Variants in UMPS observed in about 807,000 individuals in gnomAD.
UMPS encodes the protein uridine monophosphate synthetase.
A neutral mutation model predicts 38.9 loss-of-function variants in UMPS; 21 were observed. The ratio of observed to expected loss-of-function variants is 0.54; its 90% CI spans 0.38 to 0.78. UMPS has a LOEUF of 0.78. Ranked by LOEUF, UMPS falls within the 30% of genes least tolerant of loss-of-function variation. The pLI is 0.00. For missense variants in UMPS, 533 were observed against 591.6 expected (o/e 0.90, Z 1.03); for synonymous variants, 208 against 219.3 (o/e 0.95, Z 0.45).
At chr3:124,742,106 G>A in intron 4 of UMPS, 46 bp from the exon 5 acceptor site, 2 of 1,309,864 alleles carry the variant, frequency 1.5e-6, no homozygotes, top group Non-Finnish European at 2.2e-6. Context: ...TTTATTCTGT[G>A]TGATTAACTG....
Position 124,744,556 on chromosome 3 carries a change from G to A in UMPS, c.*472G>A, listed in dbSNP as rs755095989. ...CCAGATTAGCTGGTGCTATAGGCAT[G>A]CACCACCACGTCCATCTAAATTTCT... On this transcript the variant is annotated 3_prime_UTR_variant, in exon 6 of 6. Coordinates refer to ENST00000232607, the MANE Select transcript of UMPS (RefSeq NM_000373.4). The A allele has an allele frequency of 2.2e-6, 1 of 453,996 alleles. No individual in the cohort carries two copies. Among genetic ancestry groups the A allele is most frequent in the South Asian group, 1.6e-5 (1 of 64,468 alleles). The allele number at this position is 453,996 out of a possible 1,614,324, so 28.1% of individuals were successfully genotyped here.
At chr3:124,743,293 CA>C (rs1160299664) in intron 5 of UMPS, among the ~76,000 whole-genome samples, 1 of 151,696 alleles carries the variant, frequency 6.6e-6, no homozygotes. Flanking sequence ...GAGATTGTGC[CA>C]TTGCACTCCA....
Position 124,747,806 on chromosome 3 carries a change from C to T in UMPS, c.*3722C>T, listed in dbSNP as rs1390566539. On this transcript the variant is annotated 3_prime_UTR_variant, in exon 6 of 6. Transcript: ENST00000232607. ...CAACCATCACCTCTGGCTGCATCAG[C>T]GATCTCTCCCAGCGAAATAGCTGCT... 8.9e-6 allele frequency: 4 copies of T among 450,332 alleles called. No homozygotes were observed. The highest frequency in any genetic ancestry group is 2.0e-5 in the African/African-American group (1 of 50,058). The allele number at this position is 450,332 out of a possible 1,614,324, so 27.9% of individuals were successfully genotyped here.
chr3:124,735,098 A>G lies in UMPS; in HGVS notation c.162A>G (p.Ala54=). The stretch of plus-strand genomic sequence containing the variant: ...ATGTGTTCATTTTCTTACAGGTTGC[A>G]GATATTTTATTCCAAACTGCCCAAA... ...VSRPRLLSQV[A]DILFQTAQNA... Residue 54 remains alanine (A), a synonymous_variant, in exon 2 of 6, where the codon GCA becomes GCG. Transcript: ENST00000232607. The G allele has an allele frequency of 6.2e-7, 1 of 1,613,614 alleles. No homozygotes were observed.
In UMPS at chr3:124,746,444, C is replaced by T. The variant is rs2150904251; in HGVS notation, c.*2360C>T. 1 of 454,154 alleles carries T rather than the reference C, an allele frequency of 2.2e-6. No homozygotes were observed. Among genetic ancestry groups the T allele is most frequent in the African/African-American group, 2.0e-5 (1 of 50,146 alleles). 28.1% of individuals were successfully genotyped at this position (454,154 alleles called of 1,614,324 possible). A position where few individuals can be genotyped will look rare whatever the true frequency, so the allele number is the denominator to read the frequency against. Reference sequence around the variant, plus strand: ...CAGTACTGCAGGCCTCTTACCTAAGCAGAATCCCAGTCTGGCATCAAAGCT... The same window carrying T: ...CAGTACTGCAGGCCTCTTACCTAAGTAGAATCCCAGTCTGGCATCAAAGCT... On this transcript the variant is annotated 3_prime_UTR_variant, in exon 6 of 6. Coordinates refer to ENST00000232607, the MANE Select transcript of UMPS (RefSeq NM_000373.4).
rs1234475166 is a variant in UMPS at position 124,745,264 on chromosome 3, C to T, written c.*1180C>T. ...TTGCACCAGCACACTCACATTCCTT[C>T]TCATTTGGGGCCCACCTGCAGGAAG... is the stretch of plus-strand genomic sequence containing the variant. On this transcript the variant is annotated 3_prime_UTR_variant, in exon 6 of 6. Transcript: ENST00000232607. 30 of 454,126 alleles carry T rather than the reference C, an allele frequency of 6.6e-5. No homozygotes were observed. In the East Asian group the frequency reaches 2.1e-3, roughly 32 times the overall value. 28.1% of individuals were successfully genotyped at this position (454,126 alleles called of 1,614,324 possible). A position where few individuals can be genotyped will look rare whatever the true frequency, so the allele number is the denominator to read the frequency against.
In UMPS at chr3:124,746,637, T is replaced by C. The variant is rs752738492; in HGVS notation, c.*2553T>C. 40 of 453,894 alleles carry C rather than the reference T, an allele frequency of 8.8e-5. No homozygotes were observed. Among genetic ancestry groups the C allele is most frequent in the Non-Finnish European group, 1.1e-4 (26 of 226,774 alleles). 28.1% of individuals were successfully genotyped at this position (453,894 alleles called of 1,614,324 possible). On this transcript the variant is annotated 3_prime_UTR_variant, in exon 6 of 6. Coordinates refer to ENST00000232607, the MANE Select transcript of UMPS (RefSeq NM_000373.4). ...TAACTCCTGGTCTTAGTGGGGAATA[T>C]AGGGACCCCATGTCTCCATGGGGTG...
chr3:124,738,083 A>C lies in UMPS; in HGVS notation c.826A>C (p.Ser276Arg), dbSNP rs2063530135. ...LLQLADALGP[S>R]ICMLKTHVDI... Reference sequence around the variant, plus strand: ...GCAGCTAGCAGATGCTTTAGGACCTAGTATCTGCATGCTGAAGACTCATGT... The same window carrying C: ...GCAGCTAGCAGATGCTTTAGGACCTCGTATCTGCATGCTGAAGACTCATGT... Residue 276 changes from serine (S) to arginine (R), a missense_variant, in exon 3 of 6, where the codon AGT becomes CGT. Transcript: ENST00000232607. 6.2e-7 allele frequency: 1 copy of C among 1,614,120 alleles called. No homozygotes were observed. The highest frequency in any genetic ancestry group is 1.7e-5 in the Admixed American group (1 of 60,000).
intron 2 of UMPS, among the ~76,000 whole-genome samples, chr3:124,735,689 A>G (rs2063512946): frequency 6.6e-6 from 1 of 152,216 alleles, no homozygotes; most frequent in Non-Finnish European, 1.5e-5. Context: ...TAAAACCCGA[A>G]AATTTGTCCA....
intron 2 of UMPS, chr3:124,737,085 G>C (rs2063523051): frequency 6.4e-6 from 1 of 155,672 alleles, no homozygotes; most frequent in South Asian, 2.0e-4. Context: ...AACTTTCCTT[G>C]ATCTAGGTGA....
In UMPS at chr3:124,747,167, G is replaced by T. The variant is rs886057887; in HGVS notation, c.*3083G>T. ...AGCCTCTCGAGTGGCTGGAACTACA[G>T]GCGTGCACCACCACAGCTGGTTAAT... On this transcript the variant is annotated 3_prime_UTR_variant, in exon 6 of 6. Transcript: ENST00000232607. 3 of 453,936 alleles carry T rather than the reference G, an allele frequency of 6.6e-6. No homozygotes were observed. The highest frequency in any genetic ancestry group is 7.0e-5 in the East Asian group (1 of 14,386). 28.1% of individuals were successfully genotyped at this position (453,936 alleles called of 1,614,324 possible). A position where few individuals can be genotyped will look rare whatever the true frequency, so the allele number is the denominator to read the frequency against.
rs887792991 is a variant in UMPS at position 124,744,060 on chromosome 3, G to A, written c.1419G>A (p.Ala473=). The change falls in exon 6 of 6, where the codon GCG becomes GCA. Residue 473 remains alanine, a synonymous_variant. Coordinates refer to ENST00000232607, the MANE Select transcript of UMPS (RefSeq NM_000373.4). ...TGTACAGAAAAGCTGCTTGGGAAGC[G>A]TATTTGAGTAGACTTGGTGTTTGAG... ...AEMYRKAAWE[A]YLSRLGV is the part of the protein sequence containing the mutation. The A allele has an allele frequency of 1.2e-5, 20 of 1,613,968 alleles. No individual in the cohort carries two copies. The highest frequency in any genetic ancestry group is 3.3e-5 in the South Asian group (3 of 91,088).
Position 124,744,941 on chromosome 3 carries a change from A to T in UMPS, c.*857A>T. On this transcript the variant is annotated 3_prime_UTR_variant, in exon 6 of 6. Transcript: ENST00000232607. ...AGGTGGGGAAGGGGAAGGTGACTAT[A>T]GCTCAGCTCCTGAGCTAGTATCTGG... 1 of 454,060 alleles carries T rather than the reference A, an allele frequency of 2.2e-6. No homozygotes were observed. The highest frequency in any genetic ancestry group is 4.4e-6 in the Non-Finnish European group (1 of 226,766). The allele number at this position is 454,060 out of a possible 1,614,324, so 28.1% of individuals were successfully genotyped here.
chr3:124,730,809 G>C (rs916789154), intron 1 of UMPS, among the ~76,000 whole-genome samples, 182 bp downstream of exon 1: 3 of 152,200 alleles, frequency 2.0e-5, no homozygotes, highest in Admixed American at 2.0e-4. Flanking sequence ...GGCTCCTCGA[G>C]AGTCGTCTGT....
chr3:124,743,944 C>T lies in UMPS; in HGVS notation c.1303C>T (p.Pro435Ser). The T allele has an allele frequency of 6.2e-7, 1 of 1,614,132 alleles. No homozygotes were observed. Among genetic ancestry groups the T allele is most frequent in the Non-Finnish European group, 8.5e-7 (1 of 1,180,012 alleles). Residue 435 changes from proline to serine, a missense_variant, in exon 6 of 6, where the codon CCA (proline) becomes TCA (serine). Coordinates refer to ENST00000232607, the MANE Select transcript of UMPS (RefSeq NM_000373.4). ...GDNLGQQYNS[P>S]QEVIGKRGSD... ...TAATCTTGGCCAACAGTACAATAGCCCACAAGAAGTTATTGGCAAACGAGG... is the reference window on the plus strand; with the variant it reads ...TAATCTTGGCCAACAGTACAATAGCTCACAAGAAGTTATTGGCAAACGAGG...
intron 1 of UMPS, among the ~76,000 whole-genome samples, chr3:124,734,237 CAACTCAGT>C (rs2063501475): frequency 1.3e-5 from 2 of 151,590 alleles, no homozygotes; most frequent in Admixed American, 1.3e-4. Context: ...GTTCACAAAG[CAACTCAGT>C]GACTGTTTGC....
At chr3:124,732,326 G>A (rs895509155) in intron 1 of UMPS, 24 of 154,386 alleles carry the variant, frequency 1.6e-4, no homozygotes, top group African/African-American at 5.3e-4. Flanking sequence ...ATTAAGACTA[G>A]AAGGTGGACA....
rs781365439 is a variant in UMPS, at chr3:124,740,056, C to G, written c.1015C>G (p.Leu339Val). Residue 339 changes from leucine (L) to valine (V), a missense_variant, in exon 4 of 6, where the codon CTA (leucine) becomes GTA (valine). By Grantham distance (32) the Leu-to-Val change is conservative. Coordinates refer to ENST00000232607, the MANE Select transcript of UMPS (RefSeq NM_000373.4). ...GIFKIASWAD[L>V]VNAHVVPGSG... Reference sequence around the variant, plus strand: ...CTTTAAAATAGCTTCCTGGGCAGATCTAGTAAATGCTCACGTGGTGCCAGG... The same window carrying G: ...CTTTAAAATAGCTTCCTGGGCAGATGTAGTAAATGCTCACGTGGTGCCAGG... 3 of 1,614,146 alleles carry G rather than the reference C, an allele frequency of 1.9e-6. No individual in the cohort carries two copies. In the South Asian group the frequency reaches 3.3e-5, roughly 18 times the overall value.
rs1331163522 is a variant in UMPS, at chr3:124,746,785, GTGTGTGTGTGTGCA to G, written c.*2704_*2717del. ...TGTGTGTGTGTGTGTGTGTGTGTGT[GTGTGTGTGTGTGCA>G]TGCGCGCGCGTGCGCACTGGAGGAA... On this transcript the variant is annotated 3_prime_UTR_variant, in exon 6 of 6. Coordinates refer to ENST00000232607, the MANE Select transcript of UMPS (RefSeq NM_000373.4). The G allele has an allele frequency of 1.3e-5, 5 of 387,658 alleles. No individual in the cohort carries two copies. The highest frequency in any genetic ancestry group is 2.6e-5 in the Non-Finnish European group (5 of 191,980). 24.0% of individuals were successfully genotyped at this position (387,658 alleles called of 1,614,324 possible). A position where few individuals can be genotyped will look rare whatever the true frequency, so the allele number is the denominator to read the frequency against.
Sources: allele counts gnomAD v4.1 joint callset (sites outside exome capture counted in the v4.1 genomes callset), GRCh38; gene constraint gnomAD v4.1.1; transcripts MANE v1.5; gene names NCBI Gene and HGNC (gene_info 2026-07-23, HGNC 2026-07-21).